Variants in CHD1L observed in about 807,000 individuals in gnomAD.
CHD1L encodes ATP-dependent chromatin remodeler CHD1L.
CHD1L carries 118 observed loss-of-function variants against 115.9 expected under a neutral mutation model. The observed-to-expected ratio is 1.02, with a 90% CI of 0.88 to 1.19. The LOEUF (loss-of-function observed/expected upper bound fraction) is 1.19, where lower values mean the gene tolerates loss of function less well. CHD1L is among the 50% of genes most tolerant of loss of function. The pLI, the probability that CHD1L is intolerant of heterozygous loss-of-function variation, is 0.00. For missense variants in CHD1L, 1,179 were observed against 1,065.3 expected, an observed-to-expected ratio of 1.11 and a Z score of -1.49; for synonymous variants, 411 against 387.1, an observed-to-expected ratio of 1.06 and a Z score of -0.72.
At position 147,268,778 on chromosome 1, in the gene CHD1L, C is replaced by G; in HGVS notation, c.989-4C>G. The G allele has an allele frequency of 6.2e-7, 1 of 1,612,230 alleles. No homozygotes were observed. Among genetic ancestry groups the G allele is most frequent in the Admixed American group, 1.7e-5 (1 of 59,908 alleles). ...TTACTGGGAGTGGGTTCTTTCTTTT[C>G]TAGGTGTGGAGCCGGAGCCTTTTGA... On this transcript the variant is annotated splice_polypyrimidine_tract_variant and splice_region_variant and intron_variant, in intron 9 of 22. Transcript: ENST00000369258.
intron 1 of CHD1L, among the ~76,000 whole-genome samples, chr1:147,249,128 CTCTT>C (rs1667552938): frequency 6.6e-6 from 1 of 152,010 alleles, no homozygotes; most frequent in Admixed American, 6.6e-5. Flanking sequence ...ATGATAAATT[CTCTT>C]TGTTTTCCTT....
intron 1 of CHD1L, chr1:147,243,058 C>G: frequency 2.5e-6 from 1 of 402,074 alleles, no homozygotes; most frequent in Non-Finnish European, 4.1e-6. Flanking sequence ...AATGAGGTCG[C>G]GGGCCCGGTA....
At chr1:147,206,144 C>T in the CHD1L span, among the ~76,000 whole-genome samples, 1 of 150,694 alleles carries the variant, frequency 6.6e-6, no homozygotes, top group African/African-American at 2.5e-5. Flanking sequence ...GACATTTATG[C>T]AGCCAACAGA....
intron 10 of CHD1L, among the ~76,000 whole-genome samples, chr1:147,269,749 C>T (rs1675418042): frequency 6.6e-6 from 1 of 151,776 alleles, no homozygotes; most frequent in Admixed American, 6.6e-5. Flanking sequence ...CTCCTAGTCA[C>T]CAGAGTTCTC....
Position 147,270,230 on chromosome 1 carries a change from G to A in CHD1L, c.1086-702G>A, listed in dbSNP as rs587758635. Among the ~76,000 whole-genome samples the A allele has an allele frequency of 5.3e-5, 8 of 152,206 alleles. No individual in the cohort carries two copies. The South Asian group carries it at 6.2e-4, about 12-fold the overall frequency. ...TGTTTTGACAGTGCTGTGCTTCTTT[G>A]TTTATGCAAATTTAAAATAACAGCC... On this transcript the variant is annotated intron_variant, in intron 10 of 22. Coordinates refer to ENST00000369258, the MANE Select transcript of CHD1L (RefSeq NM_004284.6).
chr1:147,184,717 G>T, the CHD1L span: 1 of 1,329,482 alleles, frequency 7.5e-7, no homozygotes, highest in South Asian at 2.2e-5. This position sits in a 1 kb window ranked among gnomAD's most constrained non-coding sequence, Gnocchi z 4.4. Context: ...CTATCAGTGT[G>T]ACTTATTACT....
Position 147,276,083 on chromosome 1 carries a change from C to T in CHD1L, c.1386-21C>T, listed in dbSNP as rs782112952. On this transcript the variant is annotated intron_variant, in intron 13 of 22. Coordinates refer to ENST00000369258, the MANE Select transcript of CHD1L (RefSeq NM_004284.6). ...TTTGCACACCCTTATAGCACACTAC[C>T]CTTGTTTGACTTATGTCCAGGTCTG... is the stretch of plus-strand genomic sequence containing the variant. 3 of 1,613,130 alleles carry T rather than the reference C, an allele frequency of 1.9e-6. No individual in the cohort carries two copies. The South Asian group carries it at 3.3e-5, about 18-fold the overall frequency.
chr1:147,258,407 G>C (rs145683239), intron 5 of CHD1L, among the ~76,000 whole-genome samples: 1 of 152,248 alleles, frequency 6.6e-6, no homozygotes, highest in Admixed American at 6.5e-5. Context: ...CTTCACAAGG[G>C]AATAGGACCT....
At chr1:147,251,030 T>G (rs1353120223) in intron 1 of CHD1L, among the ~76,000 whole-genome samples, 1 of 152,232 alleles carries the variant, frequency 6.6e-6, no homozygotes, top group Non-Finnish European at 1.5e-5. Context: ...GATGTGACTT[T>G]GCCCCTCATT....
the CHD1L span, among the ~76,000 whole-genome samples, chr1:147,194,202 G>T: frequency 1.3e-5 from 2 of 152,126 alleles, no homozygotes; most frequent in Non-Finnish European, 2.9e-5. Context: ...TGCATTGGGT[G>T]CATATATATT....
chr1:147,182,155 G>A, the CHD1L span, among the ~76,000 whole-genome samples: 1 of 152,110 alleles, frequency 6.6e-6, no homozygotes, highest in African/African-American at 2.4e-5. Context: ...TTTTTTTCCT[G>A]AGGTATTGCC....
chr1:147,214,016 TAAAG>T, the CHD1L span, among the ~76,000 whole-genome samples: 7 of 152,018 alleles, frequency 4.6e-5, no homozygotes, highest in Non-Finnish European at 8.8e-5. Context: ...CAAAGAACTA[TAAAG>T]AAAGAGGCTG....
intron 9 of CHD1L, 71 bp downstream of exon 9, chr1:147,267,589 T>A: frequency 3.4e-6 from 4 of 1,169,376 alleles, no homozygotes; most frequent in Non-Finnish European, 5.0e-6. Context: ...ACCAAAATTC[T>A]TCAAAATAAT....
At chr1:147,196,179 T>C in the CHD1L span, among the ~76,000 whole-genome samples, 1 of 152,154 alleles carries the variant, frequency 6.6e-6, no homozygotes, top group South Asian at 2.1e-4. Flanking sequence ...CTCTAATAAC[T>C]ATCCTGGTGT....
chr1:147,261,413 T>A (rs1553119563), intron 6 of CHD1L, among the ~76,000 whole-genome samples: 1 of 92,604 alleles, frequency 1.1e-5, no homozygotes, highest in Non-Finnish European at 2.9e-5. Context: ...TTTTTTTTTT[T>A]ATATATAAAG....
the CHD1L span, among the ~76,000 whole-genome samples, chr1:147,235,300 C>T: frequency 1.3e-5 from 2 of 152,090 alleles, no homozygotes; most frequent in Non-Finnish European, 2.9e-5. Context: ...TTGAGTGATC[C>T]CCAGGCTCAT....
chr1:147,266,545 C>A (rs1278611346), intron 8 of CHD1L, among the ~76,000 whole-genome samples: 2 of 152,224 alleles, frequency 1.3e-5, no homozygotes, highest in South Asian at 2.1e-4. Flanking sequence ...CTGTTCCACC[C>A]AGGACATGAA....
chr1:147,187,197 G>T, the CHD1L span: 22 of 1,614,000 alleles, frequency 1.4e-5, no homozygotes, highest in Non-Finnish European at 1.9e-5. Context: ...GCTCTTCCAT[G>T]GTATCTATGT....
intron 14 of CHD1L, among the ~76,000 whole-genome samples, chr1:147,278,036 C>T (rs587764924): frequency 2.6e-5 from 4 of 152,092 alleles, no homozygotes; most frequent in African/African-American, 4.8e-5. Flanking sequence ...TGGCTGAGAG[C>T]GACTCTGTTG....
Sources: gnomAD v4.1 joint callset for allele counts (sites outside exome capture counted in the v4.1 genomes callset) on GRCh38, gnomAD v4.1.1 for gene constraint, Gnocchi (gnomAD v3.1) non-coding constraint, MANE v1.5 for transcripts, NCBI Gene and HGNC (gene_info 2026-07-23, HGNC 2026-07-21) for gene names.